Variants in ARHGAP6 observed in about 807,000 individuals in gnomAD.
ARHGAP6 encodes the protein rho GTPase-activating protein 6.
Under a neutral mutation model 55.7 loss-of-function variants are expected in ARHGAP6, and 16 were observed. The observed-to-expected ratio is 0.29, with a 90% confidence interval of 0.19 to 0.44. ARHGAP6 has a LOEUF of 0.44. Ranked by LOEUF, ARHGAP6 falls within the 20% of genes least tolerant of loss-of-function variation. ARHGAP6 has a pLI of 1.00. For synonymous variants in ARHGAP6, 382 were observed against 360.9 expected (o/e 1.06, Z -0.66); for missense variants, 698 against 808.9 (o/e 0.86, Z 1.66).
intron 1 of ARHGAP6, among the ~76,000 whole-genome samples, chrX:11,405,708 CA>C (rs2049601612): frequency 9.0e-6 from 1 of 111,446 alleles, no homozygotes; most frequent in South Asian, 3.8e-4. Context: ...AAGTCAGTAG[CA>C]AAAAAGCATG....
chrX:11,186,307 A>T lies in ARHGAP6; in HGVS notation c.1202T>A (p.Leu401His), dbSNP rs774926663. 8.3e-7 allele frequency: 1 copy of T among 1,211,696 alleles called. No homozygotes were observed. The highest frequency in any genetic ancestry group is 1.1e-6 in the Non-Finnish European group (1 of 895,442). ...SKKEKARDKK[L>H]SLNPIYRQVP... is the part of the protein sequence containing the mutation. ...CTGTCTGTAAATAGGATTCAGACTG[A>T]GTTTCTTATCTCTGGCTTTTTCCTT... The change falls in exon 5 of 13, where the codon CTC (leucine) becomes CAC (histidine). Residue 401 changes from leucine to histidine, a missense_variant. Leu to His is a moderately conservative substitution (Grantham distance 99, BLOSUM62 -3). Transcript: ENST00000337414.
intron 1 of ARHGAP6, among the ~76,000 whole-genome samples, chrX:11,473,800 A>G (rs753142815): frequency 8.9e-6 from 1 of 111,988 alleles, no homozygotes; most frequent in South Asian, 3.7e-4. Flanking sequence ...AGTTTGGGCC[A>G]AAAAAAGTAC....
In ARHGAP6 at chrX:11,175,890, C is replaced by T. The variant is rs1170047301; in HGVS notation, c.1629+2210G>A. On this transcript the variant is annotated intron_variant, in intron 8 of 12. Transcript: ENST00000337414. ...TTTTTCTTCTAATTCCTATTCTGTA[C>T]GTCTTTTCTCTTAGACTGGCTCAGG... is the stretch of plus-strand genomic sequence containing the variant. Among the ~76,000 whole-genome samples, 55 of 108,900 alleles carry T rather than the reference C, an allele frequency of 5.1e-4. 2 individuals carry two copies. Among genetic ancestry groups the T allele is most frequent in the South Asian group, 4.1e-4 (1 of 2,412 alleles). 94.6% of individuals were successfully genotyped at this position (108,900 alleles called of 115,157 possible).
At chrX:11,305,921 C>G (rs1328284589) in intron 1 of ARHGAP6, among the ~76,000 whole-genome samples, 1 of 111,970 alleles carries the variant, frequency 8.9e-6, no homozygotes, top group African/African-American at 3.3e-5. Context: ...TAAGCACTGA[C>G]CTTGGGCAGC....
chrX:11,593,711 C>T (rs2051867702), intron 1 of ARHGAP6, among the ~76,000 whole-genome samples: 1 of 111,630 alleles, frequency 9.0e-6, no homozygotes, highest in Non-Finnish European at 1.9e-5. Context: ...GAACTCTGCA[C>T]TTTCATCTCA....
intron 1 of ARHGAP6, among the ~76,000 whole-genome samples, chrX:11,556,104 G>A (rs1402553743): frequency 9.0e-6 from 1 of 111,201 alleles, no homozygotes; most frequent in Non-Finnish European, 1.9e-5. Context: ...AGGTATAAAA[G>A]GATAAGATAT....
intron 1 of ARHGAP6, among the ~76,000 whole-genome samples, chrX:11,451,403 A>C (rs1359426412): frequency 8.9e-6 from 1 of 112,177 alleles, no homozygotes; most frequent in Non-Finnish European, 1.9e-5. Flanking sequence ...TTCTGGTGCC[A>C]TCTGACTTGA....
chrX:11,300,595 A>C (rs1569292645), intron 1 of ARHGAP6: 1 of 1,190,524 alleles, frequency 8.4e-7, no homozygotes, highest in Non-Finnish European at 1.1e-6. Context: ...GTTCTTTTGC[A>C]ATTTTTTTCA....
intron 9 of ARHGAP6, among the ~76,000 whole-genome samples, chrX:11,161,351 ATAAG>A (rs2045941377): frequency 8.9e-6 from 1 of 112,211 alleles, no homozygotes; most frequent in Non-Finnish European, 1.9e-5. Context: ...GCAGCTTGAA[ATAAG>A]TAAGAAAGAA....
intron 1 of ARHGAP6, among the ~76,000 whole-genome samples, chrX:11,411,207 ATAT>A (rs2049680587): frequency 3.6e-5 from 3 of 82,420 alleles, no homozygotes; most frequent in Non-Finnish European, 6.8e-5. Flanking sequence ...ATATATATAT[ATAT>A]ATATATATAT....
At chrX:11,210,692 G>A (rs1398624561) in intron 2 of ARHGAP6, among the ~76,000 whole-genome samples, 2 of 112,021 alleles carry the variant, frequency 1.8e-5, no homozygotes, top group Non-Finnish European at 3.8e-5. Context: ...TCCACAAACC[G>A]AAGATGGGTC....
intron 1 of ARHGAP6, among the ~76,000 whole-genome samples, chrX:11,558,885 C>CAGTTGCATGAA (rs1308143690): frequency 2.1e-5 from 2 of 95,308 alleles, no homozygotes; most frequent in African/African-American, 4.0e-5. Flanking sequence ...AAATTTTACG[C>CAGTTGCATGAA]AGTTGCATGA....
chrX:11,174,660 T>TTTCTTTCTTTC lies in ARHGAP6; in HGVS notation c.1629+3429_1629+3439dup, dbSNP rs1475545137. Among the ~76,000 whole-genome samples the TTTCTTTCTTTC allele has an allele frequency of 2.2e-3, 194 of 88,114 alleles. 2 individuals carry two copies. Among genetic ancestry groups the TTTCTTTCTTTC allele is most frequent in the African/African-American group, 8.3e-3 (188 of 22,667 alleles). 76.5% of individuals were successfully genotyped at this position (88,114 alleles called of 115,157 possible). ...CTTTCTTTCTTTCTTTCTTTCTTTC[T>TTTCTTTCTTTC]TTCTTTCTTTCTTTCTTTCTTTCTT... On this transcript the variant is annotated intron_variant, in intron 8 of 12. Transcript: ENST00000337414.
At chrX:11,373,263 T>C (rs2049166151) in intron 1 of ARHGAP6, among the ~76,000 whole-genome samples, 1 of 109,871 alleles carries the variant, frequency 9.1e-6, no homozygotes, top group Non-Finnish European at 1.9e-5. Context: ...AATTCCTGCT[T>C]GGTAAGTAAA....
At chrX:11,517,559 C>T (rs1302438193) in intron 1 of ARHGAP6, among the ~76,000 whole-genome samples, 1 of 111,355 alleles carries the variant, frequency 9.0e-6, no homozygotes, top group African/African-American at 3.3e-5. Context: ...TTATCTTTAG[C>T]CCTCATCTCT....
chrX:11,452,408 A>C (rs1456442876), intron 1 of ARHGAP6, among the ~76,000 whole-genome samples: 1 of 111,842 alleles, frequency 8.9e-6, no homozygotes, highest in Non-Finnish European at 1.9e-5. Flanking sequence ...TCAGCCTCCC[A>C]AAGTTCTAGG....
intron 1 of ARHGAP6, among the ~76,000 whole-genome samples, chrX:11,629,093 T>C (rs1601712003): frequency 9.0e-6 from 1 of 111,586 alleles, no homozygotes; most frequent in African/African-American, 3.3e-5. Context: ...CAAAATTACT[T>C]AGTTCATTCC....
At position 11,138,968 on chromosome X, in the gene ARHGAP6, C is replaced by T. The variant is rs1329133366; in HGVS notation, c.2820G>A (p.Pro940=). ...CGAGCCAGCCAGCGTCCCCCAGGCGCGGACTGTCCTGCTCGCCCGCTGGCA... is the reference window on the plus strand; with the variant it reads ...CGAGCCAGCCAGCGTCCCCCAGGCGTGGACTGTCCTGCTCGCCCGCTGGCA... ...NSLPAGEQDS[P]RLGDAGWLDW... Residue 940 remains proline, a synonymous_variant, in exon 13 of 13, where the codon CCG becomes CCA. Transcript: ENST00000337414. The T allele has an allele frequency of 1.7e-6, 2 of 1,202,580 alleles. No homozygotes were observed. Among genetic ancestry groups the T allele is most frequent in the African/African-American group, 1.7e-5 (1 of 57,249 alleles).
rs188140631 is a variant in ARHGAP6, at chrX:11,366,874, A to C, written c.589-112167T>G. Among the ~76,000 whole-genome samples, 3 of 112,176 alleles carry C rather than the reference A, an allele frequency of 2.7e-5. No individual in the cohort carries two copies. In the East Asian group the frequency reaches 8.3e-4, roughly 31 times the overall value. On this transcript the variant is annotated intron_variant, in intron 1 of 12. Transcript: ENST00000337414. Reference sequence around the variant, plus strand: ...ATAAAACAAAGTAGTAGCCTAAGCCACAGAATTGATAAAAGGGTGAAAGAA... The same window carrying C: ...ATAAAACAAAGTAGTAGCCTAAGCCCCAGAATTGATAAAAGGGTGAAAGAA...
Sources: allele counts gnomAD v4.1 joint callset (sites outside exome capture counted in the v4.1 genomes callset), GRCh38; gene constraint gnomAD v4.1.1; transcripts MANE v1.5; gene names NCBI Gene and HGNC (gene_info 2026-07-23, HGNC 2026-07-21).